SEM1: variants seen among roughly 807,000 people sequenced by gnomAD.
SEM1 encodes SEM1 26S proteasome subunit.
SEM1 carries 3 observed loss-of-function variants against 12.7 expected under a neutral mutation model. The observed-to-expected ratio is 0.24, with a 90% CI of 0.11 to 0.61. The LOEUF (loss-of-function observed/expected upper bound fraction) is 0.61. Among genes scored for constraint, SEM1 ranks in the 20% least tolerant of loss-of-function variants. The pLI, the probability that SEM1 is intolerant of heterozygous loss-of-function variation, is 0.88. For synonymous variants in SEM1, 30 were observed against 27.8 expected (o/e 1.08, Z -0.25); for missense variants, 59 against 81.3 (o/e 0.73, Z 1.06).
intron 2 of SEM1, among the ~76,000 whole-genome samples, chr7:96,601,811 T>C (rs2116193171): frequency 1.3e-5 from 2 of 151,600 alleles, no homozygotes; most frequent in African/African-American, 4.8e-5. Context: ...CAAACAGAAA[T>C]CTTTTGAAGT....
chr7:96,653,334 C>G (rs1319221361), intron 2 of SEM1, among the ~76,000 whole-genome samples: 1 of 152,200 alleles, frequency 6.6e-6, no homozygotes, highest in East Asian at 1.9e-4. Context: ...CTAGATCTGA[C>G]TTATTTAACA....
At chr7:96,697,395 T>C (rs1584870512) in intron 1 of SEM1, 2 of 152,228 alleles carry the variant, frequency 1.3e-5, no homozygotes, top group East Asian at 3.9e-4. Context: ...CACCTTGACA[T>C]TTAAGTACAA....
intron 2 of SEM1, among the ~76,000 whole-genome samples, chr7:96,581,085 G>A (rs1304747969): frequency 1.3e-5 from 2 of 152,176 alleles, no homozygotes; most frequent in South Asian, 2.1e-4. Context: ...TTTTCTTCTA[G>A]GGTTTTTATG....
chr7:96,555,686 T>G (rs1417452828), intron 2 of SEM1, among the ~76,000 whole-genome samples: 21 of 144,468 alleles, frequency 1.5e-4, no homozygotes, highest in African/African-American at 5.4e-4. Context: ...GGTGGAGAGT[T>G]CTGTAGATGT....
intron 2 of SEM1, among the ~76,000 whole-genome samples, chr7:96,575,864 CAAAT>C (rs1156867219): frequency 1.3e-5 from 2 of 152,304 alleles, no homozygotes; most frequent in South Asian, 2.1e-4. Flanking sequence ...ACAAGGAACT[CAAAT>C]AACTCACCAA....
At chr7:96,487,192 A>G (rs1309704391) in intron 1 of SEM1, among the ~76,000 whole-genome samples, 2 of 150,106 alleles carry the variant, frequency 1.3e-5, no homozygotes, top group Non-Finnish European at 2.9e-5. Context: ...ACAGTAATCA[A>G]TTAATCAAGA....
chr7:96,694,366 TAAATG>T (rs1473466267), intron 2 of SEM1, among the ~76,000 whole-genome samples: 1 of 151,986 alleles, frequency 6.6e-6, no homozygotes, highest in Non-Finnish European at 1.5e-5. Context: ...CCTCAATAAA[TAAATG>T]AAATCAGGTA....
At chr7:96,656,832 T>C (rs1229518703) in intron 2 of SEM1, among the ~76,000 whole-genome samples, 1 of 145,292 alleles carries the variant, frequency 6.9e-6, no homozygotes, top group Non-Finnish European at 1.5e-5. Context: ...GAAGAGTGCA[T>C]GTTAAAAAAT....
At chr7:96,487,616 A>G (rs558422824) in intron 1 of SEM1, among the ~76,000 whole-genome samples, 4 of 150,104 alleles carry the variant, frequency 2.7e-5, no homozygotes, top group Admixed American at 2.6e-4. Flanking sequence ...TCTTACCTGC[A>G]TTTGACAGTA....
At chr7:96,623,719 T>C (rs1310027417) in intron 2 of SEM1, among the ~76,000 whole-genome samples, 1 of 151,948 alleles carries the variant, frequency 6.6e-6, no homozygotes, top group East Asian at 1.9e-4. Context: ...TGAAAGGTTG[T>C]ACTTGTTCCC....
At chr7:96,496,442 C>G, upstream of SEM1, 1 of 578,984 alleles carries the variant, frequency 1.7e-6, no homozygotes, top group Non-Finnish European at 3.0e-6. Flanking sequence ...CTGCCCCCCC[C>G]AACAAATGGA....
intron 2 of SEM1, among the ~76,000 whole-genome samples, chr7:96,578,480 A>G (rs1222686817): frequency 6.6e-6 from 1 of 152,152 alleles, no homozygotes; most frequent in Non-Finnish European, 1.5e-5. Context: ...CTAGAGTTGT[A>G]TAGCCAGTGA....
At chr7:96,621,499 T>C (rs1807891376), downstream of SEM1, among the ~76,000 whole-genome samples, 1 of 152,202 alleles carries the variant, frequency 6.6e-6, no homozygotes, top group African/African-American at 2.4e-5. Flanking sequence ...AGCTGAGCTT[T>C]TCCCATTGGT....
downstream of SEM1, among the ~76,000 whole-genome samples, chr7:96,687,390 T>C (rs1176746512): frequency 2.0e-5 from 3 of 152,122 alleles, no homozygotes; most frequent in Admixed American, 6.6e-5. Context: ...CCAACCCAAA[T>C]GTCCAGCGAT....
intron 2 of SEM1, among the ~76,000 whole-genome samples, chr7:96,586,976 G>A (rs1186669557): frequency 6.6e-6 from 1 of 152,066 alleles, no homozygotes; most frequent in Non-Finnish European, 1.5e-5. Context: ...GTACCACTGA[G>A]GTGTTGATAT....
chr7:96,549,613 T>C (rs1805204954), intron 2 of SEM1, among the ~76,000 whole-genome samples: 1 of 152,204 alleles, frequency 6.6e-6, no homozygotes, highest in Non-Finnish European at 1.5e-5. Context: ...CTAAAGGTGC[T>C]AATATTTGAA....
At chr7:96,628,865 G>A (rs2116324141) in intron 2 of SEM1, among the ~76,000 whole-genome samples, 1 of 152,222 alleles carries the variant, frequency 6.6e-6, no homozygotes, top group East Asian at 1.9e-4. Context: ...GTTTGTCTGG[G>A]GAAGTCTTTA....
At chr7:96,516,691 A>G (rs1291707142) in intron 2 of SEM1, among the ~76,000 whole-genome samples, 2 of 152,154 alleles carry the variant, frequency 1.3e-5, no homozygotes, top group East Asian at 3.9e-4. Context: ...TTACAAAACT[A>G]AACATATTCT....
intron 2 of SEM1, among the ~76,000 whole-genome samples, chr7:96,615,241 C>CT (rs60940244): frequency 1.0e-3 from 127 of 126,434 alleles, no homozygotes; most frequent in African/African-American, 3.9e-3. Flanking sequence ...TTTGAGTCAT[C>CT]TTTTTTTTTT....
Sources: allele counts gnomAD v4.1 joint callset (sites outside exome capture counted in the v4.1 genomes callset), GRCh38; gene constraint gnomAD v4.1.1; transcripts MANE v1.5; gene names NCBI Gene and HGNC (gene_info 2026-07-23, HGNC 2026-07-21).